UBA5: variants seen among roughly 807,000 people sequenced by gnomAD.
UBA5 encodes the protein ubiquitin-like modifier-activating enzyme 5.
UBA5 carries 28 observed loss-of-function variants against 52.9 expected under a neutral mutation model. The observed-to-expected ratio is 0.53, with a 90% CI of 0.39 to 0.73. The LOEUF (loss-of-function observed/expected upper bound fraction) is 0.73, where lower values mean the gene tolerates loss of function less well. Among genes scored for constraint, UBA5 ranks in the 30% least tolerant of loss-of-function variants. The pLI is 0.00. For synonymous variants in UBA5, 135 were observed against 162.1 expected (o/e 0.83, Z 1.27); for missense variants, 388 against 492.7 (o/e 0.79, Z 2.01).
At chr3:132,661,728 T>A (rs1006624645) in intron 1 of UBA5, among the ~76,000 whole-genome samples, 1 of 152,202 alleles carries the variant, frequency 6.6e-6, no homozygotes, top group Non-Finnish European at 1.5e-5. Flanking sequence ...TAAAAACAAT[T>A]AAGTCGTGTA....
chr3:132,655,055 GGTACAGTAAAAACACA>G lies in UBA5; in HGVS notation c.-8+389_-8+404del, dbSNP rs1365326280. Among the ~76,000 whole-genome samples the G allele has an allele frequency of 3.3e-5, 5 of 152,100 alleles. No homozygotes were observed. The East Asian group carries it at 9.6e-4, about 29-fold the overall frequency. ...TCTAAACACATTTAAACATAGAAAA[GGTACAGTAAAAACACA>G]GTATTATAATCTAATGGGACCACTG... On this transcript the variant is annotated intron_variant, in intron 1 of 11. Coordinates refer to the UBA5 transcript ENST00000264991.
upstream of UBA5, chr3:132,660,212 G>A (rs1938067812): frequency 2.2e-6 from 1 of 449,230 alleles, no homozygotes; most frequent in Admixed American, 3.9e-5. The surrounding 1 kb of genome is among the most constrained non-coding windows in gnomAD (Gnocchi z 4.1). Context: ...CAACATCGCT[G>A]GCCTCCTGCC....
chr3:132,670,014 T>C (rs1472910621), intron 4 of UBA5, among the ~76,000 whole-genome samples, 184 bp from the exon 5 acceptor site: 2 of 152,158 alleles, frequency 1.3e-5, no homozygotes, highest in Non-Finnish European at 2.9e-5. Context: ...CAGCTACTAG[T>C]AGTAGTCTTT....
chr3:132,670,703 T>C, intron 5 of UBA5: 1 of 266,548 alleles, frequency 3.8e-6, no homozygotes, highest in East Asian at 8.2e-5. Context: ...ATAACTGTTG[T>C]GAACATACTT....
At chr3:132,671,695 C>G (rs934852541) in intron 6 of UBA5, 82 bp from the exon 7 acceptor site, 1 of 1,081,218 alleles carries the variant, frequency 9.2e-7, no homozygotes. Context: ...CCTTGGTAAT[C>G]CATTCAGTTA....
Position 132,676,055 on chromosome 3 carries a change from G to A in UBA5, c.1131+132G>A. The A allele has an allele frequency of 1.5e-6, 1 of 652,370 alleles. No homozygotes were observed. Among genetic ancestry groups the A allele is most frequent in the Non-Finnish European group, 2.6e-6 (1 of 381,666 alleles). The allele number at this position is 652,370 out of a possible 1,614,324, so 40.4% of individuals were successfully genotyped here. ...ATGCTATAGGCATTAAGATGTGAGA[G>A]AGAGGTATGCAGTGTTAATATGCAA... On this transcript the variant is annotated intron_variant, in intron 11 of 11. Transcript: ENST00000356232. This position sits in a 1 kb window ranked among gnomAD's most constrained non-coding sequence, Gnocchi z 4.1.
At chr3:132,675,522 A>G (rs945565523) in intron 9 of UBA5, 83 bp from the exon 10 acceptor site, 1 of 1,511,280 alleles carries the variant, frequency 6.6e-7, no homozygotes, top group Non-Finnish European at 9.0e-7. Context: ...TTGGTAAGAT[A>G]AAAAGCCTGT....
intron 8 of UBA5, among the ~76,000 whole-genome samples, chr3:132,674,826 T>G (rs1236350946): frequency 6.6e-6 from 1 of 152,220 alleles, no homozygotes; most frequent in African/African-American, 2.4e-5. Context: ...GTGCATTTTA[T>G]AGTAAGTTAC....
chr3:132,668,804 T>C lies in UBA5; in HGVS notation c.298-14T>C, dbSNP rs1187766034. On this transcript the variant is annotated splice_polypyrimidine_tract_variant and intron_variant, in intron 3 of 11. Coordinates refer to ENST00000356232, the MANE Select transcript of UBA5 (RefSeq NM_024818.6). ...GGTATGTTTTTCATCAGAATACCAC[T>C]ATTTTCATTTTAGTTGCTACTCTTT... The C allele has an allele frequency of 1.9e-6, 3 of 1,541,546 alleles. No homozygotes were observed. The highest frequency in any genetic ancestry group is 2.7e-6 in the Non-Finnish European group (3 of 1,128,548).
At chr3:132,661,206 T>G (rs2107923877) in intron 1 of UBA5, among the ~76,000 whole-genome samples, 1 of 152,252 alleles carries the variant, frequency 6.6e-6, no homozygotes, top group Non-Finnish European at 1.5e-5. Context: ...TTTTCTTCTT[T>G]CCTAACAAAG....
chr3:132,659,425 A>C, upstream of UBA5: 1 of 763,202 alleles, frequency 1.3e-6, no homozygotes, highest in Non-Finnish European at 2.0e-6. Context: ...CCAATTGGGA[A>C]GCCCCCAGCA....
At chr3:132,672,226 CATAAAT>C (rs752164143) in intron 8 of UBA5, 49 bp downstream of exon 8, 8 of 1,559,472 alleles carry the variant, frequency 5.1e-6, no homozygotes, top group Non-Finnish European at 6.1e-6. Flanking sequence ...TTTCAGTAAA[CATAAAT>C]ATATTTCACA....
upstream of UBA5, among the ~76,000 whole-genome samples, chr3:132,658,696 A>AT (rs368494943): frequency 7.0e-4 from 106 of 152,238 alleles, 1 homozygote; most frequent in African/African-American, 2.0e-3. Flanking sequence ...ACACCCTAAA[A>AT]TGTTCCCTGA....
chr3:132,665,900 A>G (rs1035298124), intron 2 of UBA5, 32 bp downstream of exon 2: 8 of 1,612,462 alleles, frequency 5.0e-6, no homozygotes, highest in Non-Finnish European at 6.8e-6. Flanking sequence ...TTTTTGTAAG[A>G]TTAATTCAGT....
intron 6 of UBA5, 77 bp from the exon 7 acceptor site, chr3:132,671,700 C>T: frequency 8.7e-7 from 1 of 1,144,868 alleles, no homozygotes; most frequent in South Asian, 1.4e-5. Context: ...GTAATCCATT[C>T]AGTTAAAAGA....
chr3:132,658,558 A>T (rs1937941706), upstream of UBA5, among the ~76,000 whole-genome samples: 1 of 152,352 alleles, frequency 6.6e-6, no homozygotes, highest in South Asian at 2.1e-4. Flanking sequence ...AAATAGTTGA[A>T]ATTTGAACTT....
intron 4 of UBA5, among the ~76,000 whole-genome samples, chr3:132,669,386 C>G (rs1938510550): frequency 6.6e-6 from 1 of 152,108 alleles, no homozygotes; most frequent in Non-Finnish European, 1.5e-5. Flanking sequence ...CGCATCTCAG[C>G]CTCCTGAGTA....
chr3:132,669,618 A>C (rs1304409766), intron 4 of UBA5, among the ~76,000 whole-genome samples: 1 of 151,992 alleles, frequency 6.6e-6, no homozygotes, highest in Non-Finnish European at 1.5e-5. Flanking sequence ...TTTCCCAACC[A>C]CTTAAAAATG....
In UBA5 at chr3:132,660,478, G is replaced by A; in HGVS notation, c.-60G>A. On this transcript the variant is annotated 5_prime_UTR_variant, in exon 1 of 12. In the 5' UTR this introduces an upstream ATG that the reference lacks. Transcript: ENST00000356232. This position sits in a 1 kb window ranked among gnomAD's most constrained non-coding sequence, Gnocchi z 4.1. ...CCCCTCGCGGGCCCAGCCGAGCAAC[G>A]TGGGGCGAAGGCGGCGGCGAAGGCC... 2 of 1,538,860 alleles carry A rather than the reference G, an allele frequency of 1.3e-6. No individual in the cohort carries two copies. The highest frequency in any genetic ancestry group is 1.7e-6 in the Non-Finnish European group (2 of 1,144,694).
Sources: allele counts gnomAD v4.1 joint callset (sites outside exome capture counted in the v4.1 genomes callset), GRCh38; gene constraint gnomAD v4.1.1; non-coding constraint Gnocchi (gnomAD v3.1); transcripts MANE v1.5; gene names NCBI Gene and HGNC (gene_info 2026-07-23, HGNC 2026-07-21).